SNX24: variants seen among roughly 807,000 people sequenced by gnomAD.
SNX24 encodes sorting nexin-24.
A neutral mutation model predicts 28.7 loss-of-function variants in SNX24; 22 were observed. The observed-to-expected ratio is 0.77, with a 90% CI of 0.55 to 1.10. SNX24 has a LOEUF of 1.10. SNX24 is among the 50% of genes least tolerant of loss of function. SNX24 has a pLI of 0.00. For missense variants in SNX24, 221 were observed against 201.1 expected (o/e 1.10, Z -0.60); for synonymous variants, 69 against 71.5 (o/e 0.96, Z 0.18).
At chr5:122,978,108 C>T (rs1761242842) in intron 3 of SNX24, among the ~76,000 whole-genome samples, 1 of 152,020 alleles carries the variant, frequency 6.6e-6, no homozygotes, top group African/African-American at 2.4e-5. Context: ...TCATTTTCCC[C>T]ATGTATTATT....
chr5:122,904,570 C>A (rs940849286), intron 1 of SNX24, among the ~76,000 whole-genome samples: 2 of 151,992 alleles, frequency 1.3e-5, no homozygotes, highest in Non-Finnish European at 2.9e-5. Flanking sequence ...AATGCCTAGC[C>A]TTTTCTACAA....
chr5:123,000,345 A>G (rs1421679860), intron 4 of SNX24, among the ~76,000 whole-genome samples: 2 of 152,238 alleles, frequency 1.3e-5, no homozygotes, highest in African/African-American at 4.8e-5. Context: ...AACTCGAACA[A>G]AATTCATATC....
chr5:122,887,889 G>T (rs1454225112), intron 1 of SNX24, among the ~76,000 whole-genome samples: 2 of 152,154 alleles, frequency 1.3e-5, no homozygotes, highest in African/African-American at 4.8e-5. Context: ...TTTCAGTAAA[G>T]ATGAGTTTTC....
Position 123,008,100 on chromosome 5 carries a change from A to G in SNX24, c.*351A>G, listed in dbSNP as rs968447684. 7.7e-6 allele frequency: 8 copies of G among 1,041,256 alleles called. No individual in the cohort carries two copies. The African/African-American group carries it at 1.2e-4, about 16-fold the overall frequency. The allele number at this position is 1,041,256 out of a possible 1,614,324, so 64.5% of individuals were successfully genotyped here. ...TCGCACCATTTGCTAATTGAAAATC[A>G]TATCCTGAATCATACTGAGACTGAT... On this transcript the variant is annotated 3_prime_UTR_variant, in exon 7 of 7. Coordinates refer to ENST00000261369, the MANE Select transcript of SNX24 (RefSeq NM_014035.4).
chr5:123,015,495 C>T (rs1308699724), intron 5 of SNX24, among the ~76,000 whole-genome samples: 6 of 152,134 alleles, frequency 3.9e-5, no homozygotes, highest in Admixed American at 3.9e-4. Context: ...TAAGCTAATT[C>T]AGTGTTTATA....
intron 5 of SNX24, chr5:123,025,695 A>T: frequency 2.2e-6 from 3 of 1,357,660 alleles, no homozygotes; most frequent in Non-Finnish European, 3.1e-6. Context: ...TGGATCTCTA[A>T]CAAGCATATT....
chr5:122,991,311 AG>A (rs1327595527), intron 3 of SNX24, among the ~76,000 whole-genome samples: 1 of 152,196 alleles, frequency 6.6e-6, no homozygotes, highest in African/African-American at 2.4e-5. Context: ...TTCAATACAC[AG>A]GTAATTTAAG....
Position 122,853,817 on chromosome 5 carries a change from A to T in SNX24, c.60+8124A>T, listed in dbSNP as rs1755048080. Reference sequence around the variant, plus strand: ...AACTTGAAAATAAACCAAATAAGTTATTTTGTTCTTCAGCCTGTTCCACTA... The same window carrying T: ...AACTTGAAAATAAACCAAATAAGTTTTTTTGTTCTTCAGCCTGTTCCACTA... On this transcript the variant is annotated intron_variant, in intron 1 of 6. Transcript: ENST00000261369. 1.8e-5 allele frequency: 4 copies of T among 226,336 alleles called. No homozygotes were observed. In the South Asian group the frequency reaches 2.1e-4, roughly 12 times the overall value. 14.0% of individuals were successfully genotyped at this position (226,336 alleles called of 1,614,324 possible).
chr5:122,962,415 G>A (rs1290292028), intron 3 of SNX24, among the ~76,000 whole-genome samples: 1 of 152,136 alleles, frequency 6.6e-6, no homozygotes, highest in African/African-American at 2.4e-5. Flanking sequence ...ACCTTTAAAT[G>A]ATATGTACTT....
chr5:122,919,491 G>T (rs576891658), intron 1 of SNX24, among the ~76,000 whole-genome samples: 9 of 151,972 alleles, frequency 5.9e-5, no homozygotes, highest in South Asian at 2.1e-4. Context: ...AAAAAGAAAC[G>T]TGTGCAGGAA....
chr5:122,868,093 C>G (rs79363451), intron 1 of SNX24, among the ~76,000 whole-genome samples: 2 of 152,174 alleles, frequency 1.3e-5, no homozygotes, highest in Non-Finnish European at 2.9e-5. Context: ...GTAGAACCAT[C>G]GTAAACCTCT....
At chr5:122,908,520 T>C (rs1195393037) in intron 1 of SNX24, among the ~76,000 whole-genome samples, 1 of 152,228 alleles carries the variant, frequency 6.6e-6, no homozygotes, top group African/African-American at 2.4e-5. Context: ...AGGGAAAAAT[T>C]ATTCTTGTAA....
chr5:123,000,580 T>C (rs992648603), intron 4 of SNX24, among the ~76,000 whole-genome samples: 6 of 152,120 alleles, frequency 3.9e-5, no homozygotes, highest in Admixed American at 1.3e-4. Context: ...GGACTACAAA[T>C]CCTAATCCCT....
At chr5:122,975,289 T>G (rs571003185) in intron 3 of SNX24, among the ~76,000 whole-genome samples, 1 of 152,342 alleles carries the variant, frequency 6.6e-6, no homozygotes, top group African/African-American at 2.4e-5. Context: ...GTCCCAAGGC[T>G]GCCAGATACA....
At chr5:122,977,943 T>G (rs1164214729) in intron 3 of SNX24, among the ~76,000 whole-genome samples, 4 of 152,200 alleles carry the variant, frequency 2.6e-5, no homozygotes, top group African/African-American at 4.8e-5. Context: ...CAGCCAAATA[T>G]TTTGTAAGAT....
intron 3 of SNX24, among the ~76,000 whole-genome samples, chr5:122,954,435 G>A (rs1349144685): frequency 6.6e-6 from 1 of 150,836 alleles, no homozygotes; most frequent in African/African-American, 2.4e-5. Flanking sequence ...TATAATTGGG[G>A]TTAGTTCAGC....
At chr5:122,965,970 A>T (rs1451219161) in intron 3 of SNX24, among the ~76,000 whole-genome samples, 1 of 152,244 alleles carries the variant, frequency 6.6e-6, no homozygotes, top group Admixed American at 6.5e-5. Context: ...AACATTGTTA[A>T]TGAATCTTGC....
intron 1 of SNX24, among the ~76,000 whole-genome samples, chr5:122,871,776 A>G (rs528403083): frequency 6.6e-6 from 1 of 152,152 alleles, no homozygotes; most frequent in Non-Finnish European, 1.5e-5. Context: ...GTCTCAAAAA[A>G]CAAACAAACA....
chr5:122,861,612 A>T (rs1335933722), intron 1 of SNX24, among the ~76,000 whole-genome samples: 1 of 152,190 alleles, frequency 6.6e-6, no homozygotes, highest in East Asian at 1.9e-4. Context: ...CCACAAAGCT[A>T]AAAGCCCTCT....
Sources: allele counts gnomAD v4.1 joint callset (sites outside exome capture counted in the v4.1 genomes callset), GRCh38; gene constraint gnomAD v4.1.1; transcripts MANE v1.5; gene names NCBI Gene and HGNC (gene_info 2026-07-23, HGNC 2026-07-21).